Variants in ARF1 observed in about 807,000 individuals in gnomAD.
ARF1 encodes ADP-ribosylation factor 1.
A neutral mutation model predicts 18.0 loss-of-function variants in ARF1; 1 was observed. The ratio of observed to expected loss-of-function variants is 0.06; its 90% CI spans 0.02 to 0.26. The LOEUF is 0.26. ARF1 is among the 10% of genes least tolerant of loss of function. ARF1 has a pLI of 1.00. For missense variants in ARF1, 73 were observed against 247.2 expected, an observed-to-expected ratio of 0.30 and a Z score of 4.73; for synonymous variants, 112 against 96.3, an observed-to-expected ratio of 1.16 and a Z score of -0.95.
rs748857647 is a variant in ARF1 at position 228,097,717 on chromosome 1, T to TCCCCAACGCCATGA, written c.384+2_384+3insCCCCAACGCCATGA. 1 of 1,605,512 alleles carries TCCCCAACGCCATGA rather than the reference T, an allele frequency of 6.2e-7. No homozygotes were observed. The highest frequency in any genetic ancestry group is 1.1e-5 in the South Asian group (1 of 89,860). ...CTCCTGGTGTTCGCCAACAAGCAGG[T>TCCCCAACGCCATGA]AGGCGCCCGGGCCAGCCTGGGGAAT... On this transcript the variant is annotated splice_region_variant and intron_variant, in intron 4 of 4. Transcript: ENST00000272102. The surrounding 1 kb of genome is among the most constrained non-coding windows in gnomAD (Gnocchi z 8.1).
At chr1:228,085,110 G>A (rs1022043080) in intron 1 of ARF1, among the ~76,000 whole-genome samples, 1 of 152,242 alleles carries the variant, frequency 6.6e-6, no homozygotes. Flanking sequence ...AAAAGGCCTC[G>A]CAGTGGGGAT....
rs2032853488 is a variant in ARF1, at chr1:228,098,840, G to C, written c.*827G>C. On this transcript the variant is annotated 3_prime_UTR_variant, in exon 5 of 5. Coordinates refer to ENST00000272102, the MANE Select transcript of ARF1 (RefSeq NM_001658.4). ...TCGTGCTCGCTCAGACACTTTGGCA[G>C]GATGTCTGGGGCCTCACCAGCAGGA... 1 of 152,696 alleles carries C rather than the reference G, an allele frequency of 6.5e-6. No homozygotes were observed. The highest frequency in any genetic ancestry group is 1.5e-5 in the Non-Finnish European group (1 of 68,070). The allele number at this position is 152,696 out of a possible 1,614,324, so 9.5% of individuals were successfully genotyped here.
At position 228,097,874 on chromosome 1, in the gene ARF1, C is replaced by T; in HGVS notation, c.407C>T (p.Ala136Val). The change falls in exon 5 of 5, where the codon GCG becomes GTG. Residue 136 changes from alanine to valine, a missense_variant. Physicochemically the swap from Ala to Val is moderately conservative, Grantham distance 64. Coordinates refer to ENST00000272102, the MANE Select transcript of ARF1 (RefSeq NM_001658.4). The surrounding 1 kb of genome is among the most constrained non-coding windows in gnomAD (Gnocchi z 8.1). ...CAGGACCTCCCCAACGCCATGAATG[C>T]GGCCGAGATCACAGACAAGCTGGGG... The part of the protein sequence containing the change: ...NKQDLPNAMN[A>V]AEITDKLGLH... 1.2e-6 allele frequency: 2 copies of T among 1,613,956 alleles called. No homozygotes were observed. The highest frequency in any genetic ancestry group is 1.7e-6 in the Non-Finnish European group (2 of 1,179,892).
chr1:228,084,719 A>G (rs2032337945), intron 1 of ARF1, among the ~76,000 whole-genome samples: 1 of 152,230 alleles, frequency 6.6e-6, no homozygotes, highest in African/African-American at 2.4e-5. Context: ...GTTCAGTAGA[A>G]TTTAATATGG....
chr1:228,094,485 T>C (rs2032672602), intron 1 of ARF1, among the ~76,000 whole-genome samples: 1 of 152,050 alleles, frequency 6.6e-6, no homozygotes, highest in Non-Finnish European at 1.5e-5. Context: ...GAACCTGTCA[T>C]TATTAGTTTT....
chr1:228,094,363 C>G (rs2032668738), intron 1 of ARF1, among the ~76,000 whole-genome samples: 1 of 152,132 alleles, frequency 6.6e-6, no homozygotes, highest in Admixed American at 6.5e-5. Flanking sequence ...CTTTCCAACC[C>G]CCTAGTAATA....
intron 1 of ARF1, among the ~76,000 whole-genome samples, chr1:228,093,992 G>A (rs1473336654): frequency 6.6e-6 from 1 of 151,440 alleles, no homozygotes; most frequent in African/African-American, 2.4e-5. Context: ...CCAATGGGGA[G>A]GGCCTGGGAT....
Position 228,097,243 on chromosome 1 carries a change from G to C in ARF1, c.129G>C (p.Val43=). The C allele has an allele frequency of 6.2e-7, 1 of 1,612,160 alleles. No individual in the cohort carries two copies. The highest frequency in any genetic ancestry group is 8.5e-7 in the Non-Finnish European group (1 of 1,178,812). The change falls in exon 2 of 5, where the codon GTG becomes GTC. Residue 43 remains valine (V), a synonymous_variant. Transcript: ENST00000272102. The surrounding 1 kb of genome is among the most constrained non-coding windows in gnomAD (Gnocchi z 8.1). ...ACAAGCTTAAGCTGGGTGAGATCGTGACCACCATTCCCACCATAGGTGAGG... is the reference window on the plus strand; with the variant it reads ...ACAAGCTTAAGCTGGGTGAGATCGTCACCACCATTCCCACCATAGGTGAGG... ...ILYKLKLGEI[V]TTIPTIGFNV...
Position 228,097,508 on chromosome 1 carries a change from A to AGCCCATAGATGGGGCATCGAT in ARF1, c.259+68_260-51dup, listed in dbSNP as rs2032791448. 6 of 1,613,604 alleles carry AGCCCATAGATGGGGCATCGAT rather than the reference A, an allele frequency of 3.7e-6. No individual in the cohort carries two copies. The highest frequency in any genetic ancestry group is 4.2e-6 in the Non-Finnish European group (5 of 1,179,794). ...CTCCTGCTTCTAGAGAGGGGGGGCC[A>AGCCCATAGATGGGGCATCGAT]GCCCATAGATGGGGCATCGATGCCC... On this transcript the variant is annotated intron_variant, in intron 3 of 4. Transcript: ENST00000272102. The surrounding 1 kb of genome is among the most constrained non-coding windows in gnomAD (Gnocchi z 8.1).
intron 1 of ARF1, chr1:228,083,433 C>T (rs1320685480): frequency 6.6e-6 from 1 of 152,352 alleles, no homozygotes; most frequent in Non-Finnish European, 1.5e-5. Flanking sequence ...CCGTGCCCTT[C>T]CCTGTCTGCT....
At chr1:228,091,800 C>T (rs1455492658) in intron 1 of ARF1, among the ~76,000 whole-genome samples, 2 of 152,092 alleles carry the variant, frequency 1.3e-5, no homozygotes, top group Non-Finnish European at 2.9e-5. Context: ...TGGCGGGTAG[C>T]GTGATGACCA....
At chr1:228,086,325 C>T (rs1571834937) in intron 1 of ARF1, among the ~76,000 whole-genome samples, 1 of 151,938 alleles carries the variant, frequency 6.6e-6, no homozygotes. Flanking sequence ...ACCATCCTGG[C>T]GAACATGGTG....
In ARF1 at chr1:228,089,745, C is replaced by A. The variant is rs1460803029; in HGVS notation, c.-38+6980C>A. On this transcript the variant is annotated intron_variant, in intron 1 of 4. Coordinates refer to ENST00000272102, the MANE Select transcript of ARF1 (RefSeq NM_001658.4). The surrounding 1 kb of genome is among the most constrained non-coding windows in gnomAD (Gnocchi z 4.1). ...ACACCAGCAGTGTGCTGTTCCAGTT[C>A]CCCTTTTTTTTTTCAAGTGGTGTAG... Among the ~76,000 whole-genome samples the A allele has an allele frequency of 6.6e-6, 1 of 152,054 alleles. No individual in the cohort carries two copies. Among genetic ancestry groups the A allele is most frequent in the African/African-American group, 2.4e-5 (1 of 41,404 alleles).
intron 1 of ARF1, among the ~76,000 whole-genome samples, chr1:228,084,549 C>G (rs1571833405): frequency 6.6e-6 from 1 of 152,188 alleles, no homozygotes; most frequent in African/African-American, 2.4e-5. Flanking sequence ...GGTTCTGTGC[C>G]CCTCACAGTT....
intron 1 of ARF1, among the ~76,000 whole-genome samples, chr1:228,086,123 TCA>T (rs1454889329): frequency 6.6e-6 from 1 of 152,150 alleles, no homozygotes; most frequent in African/African-American, 2.4e-5. Flanking sequence ...TACCATGAAG[TCA>T]CACTTTTGCC....
rs2032850618 is a variant in ARF1 at position 228,098,776 on chromosome 1, G to T, written c.*763G>T. The T allele has an allele frequency of 6.6e-6, 1 of 152,656 alleles. No individual in the cohort carries two copies. Among genetic ancestry groups the T allele is most frequent in the Admixed American group, 6.5e-5 (1 of 15,284 alleles). 9.5% of individuals were successfully genotyped at this position (152,656 alleles called of 1,614,324 possible). On this transcript the variant is annotated 3_prime_UTR_variant, in exon 5 of 5. Transcript: ENST00000272102. ...GACGCAGGGCCCCATCTGTCCCTCG[G>T]TCGCCGTGTGGCCAGAGTGGGTCCG...
chr1:228,094,695 C>A (rs1346004472), intron 1 of ARF1, among the ~76,000 whole-genome samples: 4 of 152,130 alleles, frequency 2.6e-5, no homozygotes, highest in Non-Finnish European at 2.9e-5. Context: ...CCTGGGGGAG[C>A]TTCTTAGGGA....
rs371767087 is a variant in ARF1, at chr1:228,096,931, G to T, written c.-37-147G>T. 23 of 668,860 alleles carry T rather than the reference G, an allele frequency of 3.4e-5. No individual in the cohort carries two copies. The East Asian group carries it at 3.7e-4, about 11-fold the overall frequency. The allele number at this position is 668,860 out of a possible 1,614,324, so 41.4% of individuals were successfully genotyped here. A position where few individuals can be genotyped will look rare whatever the true frequency, so the allele number is the denominator to read the frequency against. ...AGCCCCCATCCTGAGGTGGATTTGG[G>T]GGGCATGGGAGGCAGGGCTCTTTCC... On this transcript the variant is annotated intron_variant, in intron 1 of 4. Transcript: ENST00000272102.
intron 1 of ARF1, among the ~76,000 whole-genome samples, chr1:228,084,306 G>A (rs2032323018): frequency 6.6e-6 from 1 of 152,240 alleles, no homozygotes; most frequent in Admixed American, 6.5e-5. Flanking sequence ...ACATCTCATT[G>A]GACACATTGT....
Sources: allele counts gnomAD v4.1 joint callset (sites outside exome capture counted in the v4.1 genomes callset), GRCh38; gene constraint gnomAD v4.1.1; non-coding constraint Gnocchi (gnomAD v3.1); transcripts MANE v1.5; gene names NCBI Gene and HGNC (gene_info 2026-07-23, HGNC 2026-07-21).